Variants in EPCAM observed in about 807,000 individuals in gnomAD.
EPCAM encodes the protein epithelial cell adhesion molecule, also known as adenocarcinoma-associated antigen.
In EPCAM, 39 loss-of-function variants were observed where a neutral mutation model predicts 40.0. That is an observed-to-expected ratio of 0.98 (90% CI 0.76 to 1.27). The LOEUF is 1.27. Among genes scored for constraint, EPCAM ranks in the 50% most tolerant of loss-of-function variants. The pLI, the probability that EPCAM is intolerant of heterozygous loss-of-function variation, is 0.00. For missense variants in EPCAM, 503 were observed against 381.2 expected (o/e 1.32, Z -2.66); for synonymous variants, 168 against 132.3 (o/e 1.27, Z -1.85).
chr2:47,386,574 A>G lies in EPCAM; in HGVS notation c.906A>G (p.Ile302Met), dbSNP rs778937518. ...TTCTGTGCTTTTTCCTGTTTCAGAT[A>G]AAGGAGATGGGTGAGATGCATAGGG... Reference protein sequence around the residue: ...KRMAKYEKAEIKEMGEMHREL... With the variant: ...KRMAKYEKAEMKEMGEMHREL... The change falls in exon 9 of 9, where the codon ATA (isoleucine) becomes ATG (methionine). Residue 302 changes from isoleucine to methionine, a missense_variant and splice_region_variant. Transcript: ENST00000263735. 2.5e-6 allele frequency: 4 copies of G among 1,603,284 alleles called. No homozygotes were observed. Among genetic ancestry groups the G allele is most frequent in the Non-Finnish European group, 2.6e-6 (3 of 1,172,528 alleles).
Position 47,379,705 on chromosome 2 carries a change from A to G in EPCAM, c.658-64A>G, listed in dbSNP as rs1671529047. 9 of 1,576,352 alleles carry G rather than the reference A, an allele frequency of 5.7e-6. No individual in the cohort carries two copies. The East Asian group carries it at 2.0e-4, about 35-fold the overall frequency. On this transcript the variant is annotated intron_variant, in intron 6 of 8. Coordinates refer to ENST00000263735, the MANE Select transcript of EPCAM (RefSeq NM_002354.3). ...TCTTTTGGCATACAATTTGTATGTA[A>G]TTATATGTGGCCATGGTTGGTTTCC...
chr2:47,383,660 A>C (rs1192308362), intron 7 of EPCAM, among the ~76,000 whole-genome samples: 1 of 53,798 alleles, frequency 1.9e-5, no homozygotes, highest in African/African-American at 6.3e-5. Context: ...TTTGAGATGG[A>C]GTCTTGCTCT....
At position 47,373,494 on chromosome 2, in the gene EPCAM, A is replaced by G. The variant is rs201251927; in HGVS notation, c.108A>G (p.Val36=). The change falls in exon 2 of 9, where the codon GTA becomes GTG. Residue 36 remains valine (V), a synonymous_variant. Coordinates refer to ENST00000263735, the MANE Select transcript of EPCAM (RefSeq NM_002354.3). The part of the protein sequence containing the change: ...ECVCENYKLA[V]NCFVNNNRQC... ...TCTGTGAAAACTACAAGCTGGCCGT[A>G]AACTGCTTTGTGAATAATAATCGTC... 1.2e-6 allele frequency: 2 copies of G among 1,613,350 alleles called. No homozygotes were observed. Among genetic ancestry groups the G allele is most frequent in the East Asian group, 2.2e-5 (1 of 44,878 alleles).
intron 7 of EPCAM, among the ~76,000 whole-genome samples, chr2:47,380,237 A>G (rs1050830266): frequency 6.6e-5 from 10 of 152,096 alleles, no homozygotes; most frequent in African/African-American, 2.4e-4. Context: ...TGGTCAGTTG[A>G]GTCCAGGAGG....
chr2:47,385,700 C>T (rs1271310336), intron 8 of EPCAM, among the ~76,000 whole-genome samples: 1 of 145,992 alleles, frequency 6.8e-6, no homozygotes, highest in African/African-American at 2.6e-5. Flanking sequence ...ATCCTTGAAC[C>T]CTATCAATAA....
rs547065681 is a variant in EPCAM at position 47,370,111 on chromosome 2, C to G, written c.76+530C>G. On this transcript the variant is annotated intron_variant, in intron 1 of 8. Coordinates refer to ENST00000263735, the MANE Select transcript of EPCAM (RefSeq NM_002354.3). ...CGCGCGGCAGGCGGCCCGGACCACA[C>G]AGGGCGTGTGGGTGTTTTCCCTTTT... 3.9e-5 allele frequency among the ~76,000 whole-genome samples: 6 copies of G among 152,238 alleles called. No individual in the cohort carries two copies. The South Asian group carries it at 1.0e-3, about 26-fold the overall frequency.
chr2:47,383,607 CTTTTTTTTTTTTTT>C (rs760722807), intron 7 of EPCAM, among the ~76,000 whole-genome samples: 7 of 36,474 alleles, frequency 1.9e-4, no homozygotes, highest in South Asian at 1.1e-3. Flanking sequence ...CCGGCTTCTT[CTTTTTTTTTTTTTT>C]TTTTTTTTTT....
intron 3 of EPCAM, among the ~76,000 whole-genome samples, chr2:47,374,871 C>T (rs1035794753): frequency 3.3e-5 from 5 of 152,148 alleles, no homozygotes; most frequent in Non-Finnish European, 5.9e-5. Context: ...CTCCTGACCT[C>T]AGGCAATCCA....
At chr2:47,373,609 G>A (rs2103746168) in intron 2 of EPCAM, 39 bp downstream of exon 2, 2 of 1,509,564 alleles carry the variant, frequency 1.3e-6, no homozygotes, top group African/African-American at 1.4e-5. Flanking sequence ...GCTTTATTTT[G>A]ACTTAATACT....
rs1553343941 is a variant in EPCAM at position 47,378,937 on chromosome 2, C to G, written c.556-16C>G. Reference sequence around the variant, plus strand: ...TATATTAGTATTAATTTGTATTATTCAATTTTTTTCCCCAGTATGAGAATA... The same window carrying G: ...TATATTAGTATTAATTTGTATTATTGAATTTTTTTCCCCAGTATGAGAATA... On this transcript the variant is annotated splice_polypyrimidine_tract_variant and intron_variant, in intron 5 of 8. Coordinates refer to ENST00000263735, the MANE Select transcript of EPCAM (RefSeq NM_002354.3). 23 of 1,088,398 alleles carry G rather than the reference C, an allele frequency of 2.1e-5. No homozygotes were observed. In the South Asian group the frequency reaches 2.9e-4, roughly 14 times the overall value. The allele number at this position is 1,088,398 out of a possible 1,614,324, so 67.4% of individuals were successfully genotyped here.
At chr2:47,379,140 C>T in intron 6 of EPCAM, 86 bp downstream of exon 6, 1 of 815,024 alleles carries the variant, frequency 1.2e-6, no homozygotes. Context: ...ACCTTTTTAT[C>T]CACTTACAGA....
intron 4 of EPCAM, among the ~76,000 whole-genome samples, chr2:47,376,487 C>T (rs1238502346): frequency 6.6e-6 from 1 of 152,062 alleles, no homozygotes; most frequent in Admixed American, 6.6e-5. Flanking sequence ...CTCGAACTCC[C>T]AACCTCAGGT....
At chr2:47,381,840 C>T (rs931628393) in intron 7 of EPCAM, among the ~76,000 whole-genome samples, 1 of 152,164 alleles carries the variant, frequency 6.6e-6, no homozygotes, top group Non-Finnish European at 1.5e-5. Context: ...GATCATAACT[C>T]ACTGCAACCT....
In EPCAM at chr2:47,377,179, C is replaced by A. The variant is rs574283239; in HGVS notation, c.555+102C>A. On this transcript the variant is annotated intron_variant, in intron 5 of 8. Transcript: ENST00000263735. ...TTTAAGTGGTGGTTAAATGCACTTA[C>A]TGGAGCAACAGTTTCGGATCTGGGT... The A allele has an allele frequency of 2.4e-4, 192 of 815,770 alleles. No individual in the cohort carries two copies. In the African/African-American group the frequency reaches 3.0e-3, roughly 13 times the overall value. The allele number at this position is 815,770 out of a possible 1,614,324, so 50.5% of individuals were successfully genotyped here.
At chr2:47,382,241 T>A (rs958307295) in intron 7 of EPCAM, among the ~76,000 whole-genome samples, 1 of 152,114 alleles carries the variant, frequency 6.6e-6, no homozygotes, top group Non-Finnish European at 1.5e-5. Context: ...AAAGAAAGAA[T>A]GACAACAGGT....
chr2:47,386,756 C>T lies in EPCAM; in HGVS notation c.*143C>T. On this transcript the variant is annotated 3_prime_UTR_variant, in exon 9 of 9. Coordinates refer to ENST00000263735, the MANE Select transcript of EPCAM (RefSeq NM_002354.3). ...TATTTGTAATAGTGAAACCTGTACT[C>T]AAAATATAAGCAGCTTGAAACTGGC... is the stretch of plus-strand genomic sequence containing the variant. 1 of 635,802 alleles carries T rather than the reference C, an allele frequency of 1.6e-6. No individual in the cohort carries two copies. The highest frequency in any genetic ancestry group is 2.7e-6 in the Non-Finnish European group (1 of 363,666). The allele number at this position is 635,802 out of a possible 1,614,324, so 39.4% of individuals were successfully genotyped here.
intron 3 of EPCAM, 99 bp downstream of exon 3, chr2:47,374,147 C>A (rs1367553722): frequency 7.1e-7 from 1 of 1,415,940 alleles, no homozygotes; most frequent in Non-Finnish European, 9.7e-7. Context: ...GTTTAGAATT[C>A]AGAAGATATG....
In EPCAM at chr2:47,375,318, A is replaced by G. The variant is rs114475602; in HGVS notation, c.491+19A>G. On this transcript the variant is annotated intron_variant, in intron 4 of 8. Coordinates refer to ENST00000263735, the MANE Select transcript of EPCAM (RefSeq NM_002354.3). The stretch of plus-strand genomic sequence containing the variant: ...TGCGGACGTAAGTGCAATTAAATGC[A>G]TCATATTCTTGCACAGTTGGTGGCT... 1.3e-6 allele frequency: 2 copies of G among 1,542,734 alleles called. No homozygotes were observed. The highest frequency in any genetic ancestry group is 1.8e-6 in the Non-Finnish European group (2 of 1,115,070).
At chr2:47,381,551 G>A (rs927171011) in intron 7 of EPCAM, among the ~76,000 whole-genome samples, 2 of 152,116 alleles carry the variant, frequency 1.3e-5, no homozygotes, top group Non-Finnish European at 2.9e-5. Context: ...CCACCAGGCT[G>A]GCCATATTGC....
Sources: allele counts gnomAD v4.1 joint callset (sites outside exome capture counted in the v4.1 genomes callset), GRCh38; gene constraint gnomAD v4.1.1; transcripts MANE v1.5; gene names NCBI Gene and HGNC (gene_info 2026-07-23, HGNC 2026-07-21).